The following RICTOR variants were observed in gnomAD, a reference collection of about 807,000 sequenced individuals.
RICTOR encodes rapamycin-insensitive companion of mTOR.
In RICTOR, 49 loss-of-function variants were observed where a neutral mutation model predicts 214.9. That is an observed-to-expected ratio of 0.23 (90% CI 0.18 to 0.29). The LOEUF is 0.29. Among genes scored for constraint, RICTOR ranks in the 10% least tolerant of loss-of-function variants. The pLI is 1.00. For synonymous variants in RICTOR, 717 were observed against 711.3 expected (o/e 1.01, Z -0.13); for missense variants, 1,625 against 2,047.0 (o/e 0.79, Z 3.98).
At chr5:38,983,799 G>C (rs902011956) in intron 7 of RICTOR, among the ~76,000 whole-genome samples, 1 of 151,564 alleles carries the variant, frequency 6.6e-6, no homozygotes, top group African/African-American at 2.4e-5. Flanking sequence ...CATCTCTACT[G>C]AAAATACAAA....
chr5:39,024,182 C>T (rs964103757), intron 2 of RICTOR, among the ~76,000 whole-genome samples: 1 of 152,134 alleles, frequency 6.6e-6, no homozygotes, highest in Non-Finnish European at 1.5e-5. Context: ...GGTGGAGCTC[C>T]GGCAGTAACG....
In RICTOR at chr5:38,996,873, G is replaced by A. The variant is rs752308047; in HGVS notation, c.402C>T (p.Asp134=). Reference sequence around the variant, plus strand: ...TCTCTACCTCGTTGCTCTGTTGTATGTCAATGCACCTAAACAATACACAAA... The same window carrying A: ...TCTCTACCTCGTTGCTCTGTTGTATATCAATGCACCTAAACAATACACAAA... ...KVDYLIARCI[D]IQQSNEVERT... is the part of the protein sequence containing the mutation. Residue 134 remains aspartate, a synonymous_variant, in exon 6 of 38, where the codon GAC becomes GAT. Coordinates refer to ENST00000357387, the MANE Select transcript of RICTOR (RefSeq NM_152756.5). The A allele has an allele frequency of 8.1e-6, 13 of 1,606,642 alleles. 2 individuals carry two copies. In the South Asian group the frequency reaches 1.3e-4, roughly 16 times the overall value.
intron 25 of RICTOR, 127 bp downstream of exon 25, chr5:38,957,525 T>C (rs1749366679): frequency 1.6e-6 from 1 of 633,526 alleles, no homozygotes. Flanking sequence ...CAACTTGATA[T>C]TGATGTTTAA....
chr5:38,990,825 T>TGAGATATATGA (rs1554068211), intron 7 of RICTOR, 124 bp downstream of exon 7: 2 of 163,888 alleles, frequency 1.2e-5, no homozygotes, highest in African/African-American at 9.1e-5. Context: ...ATGAGATATA[T>TGAGATATATGA]GATATATGAG....
intron 7 of RICTOR, among the ~76,000 whole-genome samples, chr5:38,990,497 T>A (rs1752510291): frequency 6.6e-6 from 1 of 150,888 alleles, no homozygotes; most frequent in East Asian, 1.9e-4. Flanking sequence ...AAAAAATACA[T>A]ATATACGATA....
At chr5:38,990,677 GA>G (rs1334019418) in intron 7 of RICTOR, among the ~76,000 whole-genome samples, 1 of 4,942 alleles carries the variant, frequency 2.0e-4, no homozygotes, top group Non-Finnish European at 9.6e-4. Flanking sequence ...ATATATATCA[GA>G]TATATCATAT....
At chr5:39,073,940 G>A (rs1039702852) in intron 2 of RICTOR, among the ~76,000 whole-genome samples, 171 bp downstream of exon 2, 1 of 151,768 alleles carries the variant, frequency 6.6e-6, no homozygotes, top group African/African-American at 2.4e-5. Flanking sequence ...GGATGGGTCC[G>A]GCGAGGCGGC....
chr5:39,014,795 G>A (rs766015541), intron 3 of RICTOR, among the ~76,000 whole-genome samples: 2 of 152,106 alleles, frequency 1.3e-5, no homozygotes, highest in Non-Finnish European at 2.9e-5. Flanking sequence ...CACATCACTA[G>A]CTCCGTTTCT....
intron 2 of RICTOR, among the ~76,000 whole-genome samples, chr5:39,026,072 T>C (rs1396989431): frequency 6.6e-6 from 1 of 152,206 alleles, no homozygotes; most frequent in African/African-American, 2.4e-5. Context: ...CCAATTTTCC[T>C]TCTCTAAAAC....
At chr5:39,035,027 TCCCTGAC>T (rs1172101505) in intron 2 of RICTOR, among the ~76,000 whole-genome samples, 1 of 152,118 alleles carries the variant, frequency 6.6e-6, no homozygotes, top group Non-Finnish European at 1.5e-5. Context: ...CTCAAGTGGG[TCCCTGAC>T]CCCTGACCCC....
chr5:38,972,102 T>C, intron 10 of RICTOR, 143 bp from the exon 11 acceptor site: 1 of 530,754 alleles, frequency 1.9e-6, no homozygotes, highest in Non-Finnish European at 3.3e-6. Context: ...AGAACTATTA[T>C]ATAACTGAAA....
At position 38,945,075 on chromosome 5, in the gene RICTOR, A is replaced by G. The variant is rs1748029228; in HGVS notation, c.4634-7T>C. 4 of 1,577,240 alleles carry G rather than the reference A, an allele frequency of 2.5e-6. No homozygotes were observed. The highest frequency in any genetic ancestry group is 3.5e-6 in the Non-Finnish European group (4 of 1,155,256). ...TATGGAATATCTTGAAAGTCTGAAG[A>G]AAAAAATAATTATTTCAATTAAAGC... On this transcript the variant is annotated splice_polypyrimidine_tract_variant and splice_region_variant and intron_variant, in intron 34 of 37. Coordinates refer to ENST00000357387, the MANE Select transcript of RICTOR (RefSeq NM_152756.5).
At chr5:39,020,830 C>T (rs1417054974) in intron 3 of RICTOR, among the ~76,000 whole-genome samples, 1 of 152,114 alleles carries the variant, frequency 6.6e-6, no homozygotes, top group Non-Finnish European at 1.5e-5. Context: ...TCTGAACCTA[C>T]CAAATTTTCT....
intron 19 of RICTOR, among the ~76,000 whole-genome samples, chr5:38,961,486 TTTCAACATTATG>T (rs1307532859): frequency 6.6e-6 from 1 of 152,168 alleles, no homozygotes; most frequent in Non-Finnish European, 1.5e-5. Context: ...ACATTATATC[TTTCAACATTATG>T]TTCTAAGCTT....
At chr5:39,035,022 G>C (rs912749211) in intron 2 of RICTOR, among the ~76,000 whole-genome samples, 1 of 152,250 alleles carries the variant, frequency 6.6e-6, no homozygotes, top group Non-Finnish European at 1.5e-5. Flanking sequence ...GCCTCCTCAA[G>C]TGGGTCCCTG....
Position 38,976,931 on chromosome 5 carries a change from G to A in RICTOR, c.822-1327C>T, listed in dbSNP as rs148204602. Among the ~76,000 whole-genome samples the A allele has an allele frequency of 3.4e-3, 523 of 152,286 alleles. 4 individuals are homozygous for A. Among genetic ancestry groups the A allele is most frequent in the Non-Finnish European group, 6.1e-3 (414 of 68,030 alleles). On this transcript the variant is annotated intron_variant, in intron 9 of 37. Transcript: ENST00000357387. ...CTCTGGGTCCTGTGAACATGGTGAG[G>A]TATCAGCGCTATGACTGTGACTATG...
intron 3 of RICTOR, among the ~76,000 whole-genome samples, chr5:39,017,928 T>C (rs1213737300): frequency 1.3e-5 from 2 of 152,128 alleles, no homozygotes; most frequent in African/African-American, 4.8e-5. Flanking sequence ...AATAGTGCAT[T>C]TTCAAACAAG....
chr5:39,001,598 A>G (rs947317782), intron 5 of RICTOR, among the ~76,000 whole-genome samples: 1 of 152,140 alleles, frequency 6.6e-6, no homozygotes, highest in Non-Finnish European at 1.5e-5. Flanking sequence ...TGAAGAGGCA[A>G]GGCAAAGGCA....
Position 38,940,045 on chromosome 5 carries a change from A to G in RICTOR, c.*2259T>C, listed in dbSNP as rs182059161. 8.6e-5 allele frequency: 19 copies of G among 221,578 alleles called. No individual in the cohort carries two copies. Among genetic ancestry groups the G allele is most frequent in the Admixed American group, 4.1e-4 (7 of 17,198 alleles). The allele number at this position is 221,578 out of a possible 1,614,324, so 13.7% of individuals were successfully genotyped here. The stretch of plus-strand genomic sequence containing the variant: ...TTTTTTTTTTTTTTAGTATACTGAT[A>G]ACCACAAAGCTCTGAGTATCTCCCC... On this transcript the variant is annotated 3_prime_UTR_variant, in exon 38 of 38. Transcript: ENST00000357387.
Sources: gnomAD v4.1 joint callset for allele counts (sites outside exome capture counted in the v4.1 genomes callset) on GRCh38, gnomAD v4.1.1 for gene constraint, MANE v1.5 for transcripts, NCBI Gene and HGNC (gene_info 2026-07-23, HGNC 2026-07-21) for gene names.